Variants in EFNA5 observed in about 807,000 individuals in gnomAD.
EFNA5 encodes the protein ephrin-A5.
A neutral mutation model predicts 22.9 loss-of-function variants in EFNA5; 5 were observed. The ratio of observed to expected loss-of-function variants is 0.22; its 90% CI spans 0.11 to 0.46. The LOEUF is 0.46. Among genes scored for constraint, EFNA5 ranks in the 20% least tolerant of loss-of-function variants. EFNA5 has a pLI of 0.99. For synonymous variants in EFNA5, 113 were observed against 112.2 expected, an observed-to-expected ratio of 1.01 and a Z score of -0.04; for missense variants, 237 against 293.3, an observed-to-expected ratio of 0.81 and a Z score of 1.40.
intron 1 of EFNA5, among the ~76,000 whole-genome samples, chr5:107,585,054 A>T (rs1418192805): frequency 6.6e-6 from 1 of 152,168 alleles, no homozygotes; most frequent in Non-Finnish European, 1.5e-5. Flanking sequence ...AGTGAGGATC[A>T]TGATTACAGA....
intron 1 of EFNA5, among the ~76,000 whole-genome samples, chr5:107,570,576 T>C (rs1210641453): frequency 3.3e-5 from 5 of 150,642 alleles, no homozygotes; most frequent in Non-Finnish European, 7.4e-5. Context: ...GGATTCACAA[T>C]ATAATTCATG....
At chr5:107,449,205 C>T (rs1749483319) in intron 1 of EFNA5, among the ~76,000 whole-genome samples, 1 of 152,100 alleles carries the variant, frequency 6.6e-6, no homozygotes, top group African/African-American at 2.4e-5. Context: ...GCTAATTCTG[C>T]TCCTGGATTT....
chr5:107,385,563 C>T (rs2112486011), intron 4 of EFNA5, among the ~76,000 whole-genome samples: 1 of 152,252 alleles, frequency 6.6e-6, no homozygotes, highest in East Asian at 1.9e-4. Flanking sequence ...TGGTAAGAGA[C>T]CACTACTTTG....
chr5:107,662,557 G>C (rs949938641), intron 1 of EFNA5, among the ~76,000 whole-genome samples: 2 of 152,036 alleles, frequency 1.3e-5, no homozygotes, highest in Non-Finnish European at 2.9e-5. Flanking sequence ...ATAGCAGTCA[G>C]TTGATATACT....
intron 1 of EFNA5, among the ~76,000 whole-genome samples, chr5:107,647,885 A>T (rs1750659109): frequency 6.6e-6 from 1 of 152,206 alleles, no homozygotes; most frequent in African/African-American, 2.4e-5. Context: ...ACTGCAGAGA[A>T]AACAGACCCT....
intron 1 of EFNA5, among the ~76,000 whole-genome samples, chr5:107,531,134 G>T (rs912386855): frequency 6.6e-6 from 1 of 152,170 alleles, no homozygotes; most frequent in African/African-American, 2.4e-5. Context: ...AGAGTCAAAA[G>T]AGGGATAAGT....
intron 1 of EFNA5, among the ~76,000 whole-genome samples, chr5:107,478,888 T>C (rs946340353): frequency 6.6e-6 from 1 of 152,216 alleles, no homozygotes; most frequent in African/African-American, 2.4e-5. Context: ...TTTATACTTC[T>C]CTAAGCCTGC....
intron 1 of EFNA5, among the ~76,000 whole-genome samples, chr5:107,604,204 AGGGTCTACCTCT>A (rs1417851570): frequency 6.6e-6 from 1 of 152,166 alleles, no homozygotes; most frequent in Non-Finnish European, 1.5e-5. Flanking sequence ...TTTAAGAGAC[AGGGTCTACCTCT>A]GCCACCTAGA....
Position 107,493,638 on chromosome 5 carries a change from G to C in EFNA5, c.126-66129C>G, listed in dbSNP as rs533704293. ...AGATTTGTAAACTCCTAAGTGGCAG[G>C]AGAATATTAACATGTACTTTTAAGG... is the stretch of plus-strand genomic sequence containing the variant. On this transcript the variant is annotated intron_variant, in intron 1 of 4. Coordinates refer to ENST00000333274, the MANE Select transcript of EFNA5 (RefSeq NM_001962.3). Among the ~76,000 whole-genome samples, 12 of 152,322 alleles carry C rather than the reference G, an allele frequency of 7.9e-5. No homozygotes were observed. In the East Asian group the frequency reaches 1.7e-3, roughly 22 times the overall value.
At chr5:107,504,639 A>G (rs1454183907) in intron 1 of EFNA5, among the ~76,000 whole-genome samples, 1 of 152,212 alleles carries the variant, frequency 6.6e-6, no homozygotes, top group African/African-American at 2.4e-5. Flanking sequence ...TAACTGCTCT[A>G]TGATTCAGTC....
At chr5:107,551,737 G>A (rs1336249635) in intron 1 of EFNA5, among the ~76,000 whole-genome samples, 1 of 152,124 alleles carries the variant, frequency 6.6e-6, no homozygotes, top group South Asian at 2.1e-4. Flanking sequence ...TTGCAGTATC[G>A]ATTCATTCCG....
At chr5:107,585,278 A>G (rs187059056) in intron 1 of EFNA5, among the ~76,000 whole-genome samples, 1 of 152,338 alleles carries the variant, frequency 6.6e-6, no homozygotes, top group African/African-American at 2.4e-5. Flanking sequence ...GAAAATACCA[A>G]GCCCAAGGAC....
rs1748722437 is a variant in EFNA5 at position 107,423,413 on chromosome 5, T to TTAA, written c.418+3803_418+3804insTTA. 2.8e-5 allele frequency among the ~76,000 whole-genome samples: 4 copies of TTAA among 145,340 alleles called. No homozygotes were observed. The South Asian group carries it at 8.8e-4, about 32-fold the overall frequency. On this transcript the variant is annotated intron_variant, in intron 2 of 4. Transcript: ENST00000333274. Reference sequence around the variant, plus strand: ...TTTTTTAAGTTTCTAAAAGGAGTATTAAAAAAAAAAAAAAGACAGGGTTTT... The same window carrying TTAA: ...TTTTTTAAGTTTCTAAAAGGAGTATTTAAAAAAAAAAAAAAAAGACAGGGTTTT...
intron 1 of EFNA5, among the ~76,000 whole-genome samples, chr5:107,528,843 T>A (rs1469997419): frequency 6.6e-6 from 1 of 152,208 alleles, no homozygotes; most frequent in Non-Finnish European, 1.5e-5. Context: ...ATAGATAATA[T>A]GTTCTAGGCC....
chr5:107,596,819 C>T (rs560925891), intron 1 of EFNA5, among the ~76,000 whole-genome samples: 26 of 152,050 alleles, frequency 1.7e-4, no homozygotes, highest in Non-Finnish European at 3.7e-4. Context: ...TTTTTGTCAC[C>T]ACTGAGACTT....
At chr5:107,599,119 G>C (rs1749534496) in intron 1 of EFNA5, among the ~76,000 whole-genome samples, 1 of 152,142 alleles carries the variant, frequency 6.6e-6, no homozygotes, top group South Asian at 2.1e-4. Flanking sequence ...GGAACCAGAG[G>C]ATAAAGATCA....
At chr5:107,568,078 G>A (rs1479348541) in intron 1 of EFNA5, among the ~76,000 whole-genome samples, 2 of 151,784 alleles carry the variant, frequency 1.3e-5, no homozygotes, top group African/African-American at 4.8e-5. Context: ...AATTTTTTTT[G>A]TAGGGATGGG....
intron 1 of EFNA5, among the ~76,000 whole-genome samples, chr5:107,571,856 C>T (rs1247594302): frequency 6.6e-6 from 1 of 152,126 alleles, no homozygotes; most frequent in African/African-American, 2.4e-5. Context: ...GCTCAATGAA[C>T]ACACTTGGTC....
intron 1 of EFNA5, among the ~76,000 whole-genome samples, chr5:107,482,810 C>A (rs1580482532): frequency 1.2e-5 from 1 of 86,550 alleles, no homozygotes; most frequent in Non-Finnish European, 2.3e-5. Context: ...CTCTCTCTCT[C>A]TCTGTCTCTC....
Sources: gnomAD v4.1 joint callset for allele counts (sites outside exome capture counted in the v4.1 genomes callset) on GRCh38, gnomAD v4.1.1 for gene constraint, MANE v1.5 for transcripts, NCBI Gene and HGNC (gene_info 2026-07-23, HGNC 2026-07-21) for gene names.